The following RAI1 variants were observed in gnomAD, a reference collection of about 807,000 sequenced individuals.
The protein encoded by RAI1 is retinoic acid induced 1.
RAI1 carries 9 observed loss-of-function variants against 123.8 expected under a neutral mutation model. That is an observed-to-expected ratio of 0.07 (90% confidence interval 0.04 to 0.13). RAI1 has a LOEUF of 0.13. RAI1 is among the 10% of genes least tolerant of loss of function. The probability of loss-of-function intolerance (pLI) is 1.00; values close to 1 mark genes in which losing one functional copy is unlikely to be tolerated. For missense variants in RAI1, 2,256 were observed against 2,545.8 expected (o/e 0.89, Z 2.45); for synonymous variants, 1,231 against 1,127.3 (o/e 1.09, Z -1.84).
chr17:17,709,683 G>A (rs1038061527), intron 1 of RAI1, among the ~76,000 whole-genome samples: 4 of 152,206 alleles, frequency 2.6e-5, no homozygotes, highest in Non-Finnish European at 4.4e-5. Flanking sequence ...GGGCCTCGGG[G>A]AGGGGGAACC....
In RAI1 at chr17:17,795,091, G is replaced by A. The variant is rs1310544425; in HGVS notation, c.2143G>A (p.Gly715Arg). 6.2e-7 allele frequency: 1 copy of A among 1,613,972 alleles called. No homozygotes were observed. The highest frequency in any genetic ancestry group is 2.2e-5 in the East Asian group (1 of 44,890). The change falls in exon 3 of 6, where the codon GGG becomes AGG. Residue 715 changes from glycine to arginine, a missense_variant. This residue lies in a region of RAI1 where 566 missense variants were observed against 616.0 expected (regional missense o/e 0.92). Coordinates refer to ENST00000353383, the MANE Select transcript of RAI1 (RefSeq NM_030665.4). The surrounding 1 kb of genome is among the most constrained non-coding windows in gnomAD (Gnocchi z 5.9). ...CTCCTTTGGTACCAAGCCCACCCTT[G>A]GGGTTCCTGCTCCAGACCCCACTAC... ...PLSFGTKPTLGVPAPDPTTAA... is the reference protein window; with the variant it reads ...PLSFGTKPTLRVPAPDPTTAA...
intron 1 of RAI1, among the ~76,000 whole-genome samples, chr17:17,683,061 A>G (rs972702935): frequency 3.9e-5 from 6 of 152,066 alleles, no homozygotes; most frequent in South Asian, 2.1e-4. Context: ...CCTCCCACCA[A>G]TACTGTCCCC....
intron 2 of RAI1, among the ~76,000 whole-genome samples, chr17:17,730,424 A>G (rs1916232771): frequency 6.6e-6 from 1 of 152,230 alleles, no homozygotes; most frequent in Admixed American, 6.5e-5. Context: ...CCTGGCCCTC[A>G]TGGGGCGCGG....
chr17:17,784,666 C>T (rs1381383447), intron 2 of RAI1, among the ~76,000 whole-genome samples: 3 of 152,118 alleles, frequency 2.0e-5, no homozygotes, highest in Non-Finnish European at 4.4e-5. Context: ...GACCCCTATG[C>T]CGTTTGGGTG....
At chr17:17,752,518 T>C (rs575262879) in intron 2 of RAI1, among the ~76,000 whole-genome samples, 6 of 152,292 alleles carry the variant, frequency 3.9e-5, no homozygotes, top group African/African-American at 1.4e-4. Flanking sequence ...TGAGTGCTCC[T>C]TGATGGCGGC....
At chr17:17,692,880 A>G (rs1183628759) in intron 1 of RAI1, among the ~76,000 whole-genome samples, 2 of 152,202 alleles carry the variant, frequency 1.3e-5, no homozygotes, top group African/African-American at 2.4e-5. Context: ...AGGGTGCAAT[A>G]AAAGAGTCCT....
At chr17:17,788,996 G>A (rs1034006397) in intron 2 of RAI1, among the ~76,000 whole-genome samples, 5 of 152,230 alleles carry the variant, frequency 3.3e-5, no homozygotes, top group Admixed American at 6.5e-5. Flanking sequence ...GGACCCACCC[G>A]AGGTGGGTCT....
chr17:17,694,651 C>A (rs945485816), intron 1 of RAI1, among the ~76,000 whole-genome samples: 2 of 151,834 alleles, frequency 1.3e-5, no homozygotes, highest in African/African-American at 4.8e-5. Context: ...CCATCTTGGC[C>A]GCGCCGGAGC....
chr17:17,759,162 C>G (rs547022486), intron 2 of RAI1: 6 of 152,192 alleles, frequency 3.9e-5, no homozygotes, highest in African/African-American at 1.2e-4. Context: ...TTAAGATGCA[C>G]CTGCTGTATG....
chr17:17,714,383 T>C lies in RAI1; in HGVS notation c.-148-9645T>C, dbSNP rs1457315263. On this transcript the variant is annotated intron_variant, in intron 1 of 5. Coordinates refer to ENST00000353383, the MANE Select transcript of RAI1 (RefSeq NM_030665.4). This position sits in a 1 kb window ranked among gnomAD's most constrained non-coding sequence, Gnocchi z 4.9. ...GCCCTGGTGGCATAACCAAGTAGGA[T>C]TTCCACATTCAGTGTCTAGGCCATC... 2.0e-5 allele frequency among the ~76,000 whole-genome samples: 3 copies of C among 152,106 alleles called. No individual in the cohort carries two copies. The East Asian group carries it at 5.8e-4, about 29-fold the overall frequency.
At chr17:17,708,972 G>GC (rs1915478172) in intron 1 of RAI1, among the ~76,000 whole-genome samples, 1 of 152,216 alleles carries the variant, frequency 6.6e-6, no homozygotes, top group African/African-American at 2.4e-5. Context: ...AGTCCACCAC[G>GC]GGCCTTTCCT....
intron 2 of RAI1, among the ~76,000 whole-genome samples, chr17:17,788,931 G>A (rs1344082875): frequency 6.6e-6 from 1 of 152,226 alleles, no homozygotes; most frequent in Non-Finnish European, 1.5e-5. Context: ...CTGCCCAGGG[G>A]ACAGTAGTTG....
intron 1 of RAI1, among the ~76,000 whole-genome samples, chr17:17,694,021 A>G (rs968716959): frequency 4.6e-5 from 7 of 152,150 alleles, no homozygotes; most frequent in African/African-American, 1.7e-4. Flanking sequence ...TTAGGAGGAG[A>G]GTCACCTGTC....
intron 1 of RAI1, among the ~76,000 whole-genome samples, chr17:17,723,536 T>TA (rs1915959260): frequency 6.8e-6 from 1 of 147,468 alleles, no homozygotes; most frequent in Non-Finnish European, 1.5e-5. Flanking sequence ...CGCGCACTCT[T>TA]ACACTCACAC....
At chr17:17,763,765 C>T (rs1027558222) in intron 2 of RAI1, among the ~76,000 whole-genome samples, 3 of 152,194 alleles carry the variant, frequency 2.0e-5, no homozygotes, top group African/African-American at 4.8e-5. Context: ...GCCTAGAATG[C>T]CTGGTTGTAC....
At chr17:17,771,365 C>T (rs977792090) in intron 2 of RAI1, among the ~76,000 whole-genome samples, 17 of 152,196 alleles carry the variant, frequency 1.1e-4, no homozygotes, top group African/African-American at 3.9e-4. Context: ...GCCCGACTAG[C>T]TGTTCATTTG....
At chr17:17,783,543 C>T (rs1004975233) in intron 2 of RAI1, among the ~76,000 whole-genome samples, 11 of 152,178 alleles carry the variant, frequency 7.2e-5, no homozygotes, top group Non-Finnish European at 1.5e-4. Flanking sequence ...TGCAGAGGGG[C>T]GGAGAGGCCG....
At chr17:17,731,297 G>T (rs147004622) in intron 2 of RAI1, among the ~76,000 whole-genome samples, 1 of 152,336 alleles carries the variant, frequency 6.6e-6, no homozygotes, top group Non-Finnish European at 1.5e-5. Context: ...TGGCGCCAAG[G>T]TTCTGGCCCA....
At chr17:17,706,259 C>T (rs767322590) in intron 1 of RAI1, among the ~76,000 whole-genome samples, 18 of 151,934 alleles carry the variant, frequency 1.2e-4, no homozygotes, top group Non-Finnish European at 2.4e-4. Flanking sequence ...TGGAGAAAGG[C>T]CTACAGGTAA....
Sources: allele counts gnomAD v4.1 joint callset (sites outside exome capture counted in the v4.1 genomes callset), GRCh38; gene constraint gnomAD v4.1.1; regional missense constraint gnomAD v4.1.1; non-coding constraint Gnocchi (gnomAD v3.1); transcripts MANE v1.5; gene names NCBI Gene and HGNC (gene_info 2026-07-23, HGNC 2026-07-21).